Variants in PEAK1 observed in about 807,000 individuals in gnomAD.
The protein encoded by PEAK1 is inactive tyrosine-protein kinase PEAK1.
Under a neutral mutation model 124.7 loss-of-function variants are expected in PEAK1, and 54 were observed. That is an observed-to-expected ratio of 0.43 (90% confidence interval 0.35 to 0.54). The LOEUF (loss-of-function observed/expected upper bound fraction) is 0.54. Ranked by LOEUF, PEAK1 falls within the 20% of genes least tolerant of loss-of-function variation. PEAK1 has a pLI of 0.01. For missense variants in PEAK1, 2,046 were observed against 2,134.5 expected, an observed-to-expected ratio of 0.96 and a Z score of 0.82; for synonymous variants, 719 against 760.0, an observed-to-expected ratio of 0.95 and a Z score of 0.89.
At chr15:77,126,307 C>T (rs1378019749) in intron 9 of PEAK1, among the ~76,000 whole-genome samples, 1 of 152,156 alleles carries the variant, frequency 6.6e-6, no homozygotes, top group Non-Finnish European at 1.5e-5. Flanking sequence ...TTCCATTGGA[C>T]TTATGTGCCA....
chr15:77,417,323 T>A, intron 1 of PEAK1: 12 of 977,882 alleles, frequency 1.2e-5, no homozygotes, highest in Non-Finnish European at 1.5e-5. Flanking sequence ...ATGTAAACTA[T>A]CTATTCCTGG....
chr15:77,169,909 A>G (rs1330508286), intron 7 of PEAK1, among the ~76,000 whole-genome samples: 3 of 152,094 alleles, frequency 2.0e-5, no homozygotes, highest in African/African-American at 7.2e-5. Context: ...TGTAGGGAAA[A>G]ATTAAGAGTT....
At chr15:77,210,659 C>G (rs2058862179) in intron 6 of PEAK1, among the ~76,000 whole-genome samples, 1 of 152,192 alleles carries the variant, frequency 6.6e-6, no homozygotes, top group South Asian at 2.1e-4. Context: ...GTGGGCAGAT[C>G]ACCTGAGGTC....
chr15:77,322,422 C>A (rs959307848), intron 2 of PEAK1, among the ~76,000 whole-genome samples: 1 of 151,878 alleles, frequency 6.6e-6, no homozygotes, highest in Admixed American at 6.6e-5. Flanking sequence ...ATCAAATAGA[C>A]GCAATAAAAA....
At position 77,114,037 on chromosome 15, in the gene PEAK1, A is replaced by T. The variant is rs147267790; in HGVS notation, c.*119T>A. The stretch of plus-strand genomic sequence containing the variant: ...TCTGAATAGACCCACTTGTTCACGG[A>T]CAGGGATAGAGGTTTGCCTTTCTTC... On this transcript the variant is annotated 3_prime_UTR_variant, in exon 10 of 10. Coordinates refer to ENST00000682557, the MANE Select transcript of PEAK1 (RefSeq NM_001385026.1). The T allele has an allele frequency of 1.6e-5, 17 of 1,072,328 alleles. No individual in the cohort carries two copies. The African/African-American group carries it at 2.7e-4, about 17-fold the overall frequency. The allele number at this position is 1,072,328 out of a possible 1,614,324, so 66.4% of individuals were successfully genotyped here. A position where few individuals can be genotyped will look rare whatever the true frequency, so the allele number is the denominator to read the frequency against.
chr15:77,203,047 A>G (rs565897647), intron 6 of PEAK1, among the ~76,000 whole-genome samples: 1 of 152,080 alleles, frequency 6.6e-6, no homozygotes, highest in East Asian at 1.9e-4. Context: ...AGAAAAAAAA[A>G]AAAAAAAGAA....
At position 77,298,197 on chromosome 15, in the gene PEAK1, A is replaced by ATTTTTTTTTTTT. The variant is rs749000554; in HGVS notation, c.-602-11705_-602-11694dup. ...TAGCTTCTTTTGTTTGGTATCCTTAATTTTTTTTTTTTTTTTTTTTTTTTT... is the reference window on the plus strand; with the variant it reads ...TAGCTTCTTTTGTTTGGTATCCTTAATTTTTTTTTTTTTTTTTTTTTTTTTTTTTTTTTTTTT... On this transcript the variant is annotated intron_variant, in intron 2 of 9. Coordinates refer to ENST00000682557, the MANE Select transcript of PEAK1 (RefSeq NM_001385026.1). Among the ~76,000 whole-genome samples, 44 of 37,822 alleles carry ATTTTTTTTTTTT rather than the reference A, an allele frequency of 1.2e-3. 8 individuals are homozygous for ATTTTTTTTTTTT. Among genetic ancestry groups the ATTTTTTTTTTTT allele is most frequent in the African/African-American group, 1.3e-3 (10 of 7,414 alleles). 24.8% of individuals were successfully genotyped at this position (37,822 alleles called of 152,430 possible). A position where few individuals can be genotyped will look rare whatever the true frequency, so the allele number is the denominator to read the frequency against.
At chr15:77,288,627 T>C (rs934008060) in intron 2 of PEAK1, among the ~76,000 whole-genome samples, 2 of 152,272 alleles carry the variant, frequency 1.3e-5, no homozygotes, top group South Asian at 4.1e-4. Flanking sequence ...ATTGTTCAGA[T>C]TGTTGAAGAG....
chr15:77,334,712 T>C (rs1597340346), intron 2 of PEAK1: 1 of 985,368 alleles, frequency 1.0e-6, no homozygotes, highest in Non-Finnish European at 1.2e-6. Context: ...GCTACATCTC[T>C]CTCTTTCTGA....
At chr15:77,146,706 T>G (rs2054202638) in intron 8 of PEAK1, among the ~76,000 whole-genome samples, 1 of 152,226 alleles carries the variant, frequency 6.6e-6, no homozygotes, top group Admixed American at 6.5e-5. Flanking sequence ...TTTAAGCATC[T>G]AAATGAGCTA....
At chr15:77,204,385 C>T (rs2058523631) in intron 6 of PEAK1, among the ~76,000 whole-genome samples, 1 of 152,206 alleles carries the variant, frequency 6.6e-6, no homozygotes, top group African/African-American at 2.4e-5. Context: ...ATCCAGCAAT[C>T]ATACTTCTTG....
intron 8 of PEAK1, chr15:77,155,399 A>T (rs1300347749): frequency 1.3e-5 from 2 of 152,070 alleles, no homozygotes; most frequent in Non-Finnish European, 2.9e-5. Context: ...ATTTTTTTTC[A>T]AAGTTTCTAA....
At chr15:77,409,052 CGGAGTGAGACCCCATCTCAA>C (rs2072176754) in intron 1 of PEAK1, among the ~76,000 whole-genome samples, 1 of 152,090 alleles carries the variant, frequency 6.6e-6, no homozygotes, top group Non-Finnish European at 1.5e-5. Flanking sequence ...GCCTAAGTAA[CGGAGTGAGACCCCATCTCAA>C]AAACAAACAA....
chr15:77,191,891 T>C (rs568282023), intron 6 of PEAK1, among the ~76,000 whole-genome samples: 14 of 152,114 alleles, frequency 9.2e-5, no homozygotes, highest in African/African-American at 3.4e-4. Context: ...TATCAACCAG[T>C]GGGATAATAA....
chr15:77,340,488 C>A (rs1372080415), intron 2 of PEAK1, among the ~76,000 whole-genome samples: 1 of 152,112 alleles, frequency 6.6e-6, no homozygotes, highest in African/African-American at 2.4e-5. Context: ...ATGAATGGAG[C>A]ACAGATGACT....
intron 8 of PEAK1, among the ~76,000 whole-genome samples, chr15:77,150,614 A>C (rs1446996656): frequency 6.6e-6 from 1 of 151,372 alleles, no homozygotes; most frequent in African/African-American, 2.4e-5. Flanking sequence ...TGCACCCATT[A>C]ACTTGTCATT....
intron 2 of PEAK1, among the ~76,000 whole-genome samples, chr15:77,357,949 T>C (rs1340086662): frequency 1.3e-5 from 2 of 152,178 alleles, no homozygotes; most frequent in African/African-American, 4.8e-5. Context: ...CTGTTGCCTT[T>C]TCCCACATAG....
At chr15:77,373,436 A>AAC (rs1020308394) in intron 1 of PEAK1, among the ~76,000 whole-genome samples, 139 of 152,290 alleles carry the variant, frequency 9.1e-4, no homozygotes, top group African/African-American at 3.2e-3. Flanking sequence ...GCAATGACTG[A>AAC]ACACCTCTTG....
chr15:77,290,670 C>T (rs931856585), intron 2 of PEAK1, among the ~76,000 whole-genome samples: 1 of 152,134 alleles, frequency 6.6e-6, no homozygotes, highest in Admixed American at 6.5e-5. Context: ...CCGCCTCAGC[C>T]TCTCTGGTAG....
Sources: gnomAD v4.1 joint callset for allele counts (sites outside exome capture counted in the v4.1 genomes callset) on GRCh38, gnomAD v4.1.1 for gene constraint, MANE v1.5 for transcripts, NCBI Gene and HGNC (gene_info 2026-07-23, HGNC 2026-07-21) for gene names.